Variants in ROR2 observed in about 807,000 individuals in gnomAD.
ROR2 encodes the protein ROR family WNT receptor 2.
In ROR2, 33 loss-of-function variants were observed where a neutral mutation model predicts 74.9. The observed-to-expected ratio is 0.44, with a 90% confidence interval of 0.33 to 0.59. ROR2 has a LOEUF of 0.59. Ranked by LOEUF, ROR2 falls within the 20% of genes least tolerant of loss-of-function variation. The probability of loss-of-function intolerance (pLI) is 0.02; values close to 1 mark genes in which losing one functional copy is unlikely to be tolerated. For synonymous variants in ROR2, 586 were observed against 558.7 expected (o/e 1.05, Z -0.69); for missense variants, 1,216 against 1,313.8 (o/e 0.93, Z 1.15).
chr9:91,731,395 T>C (rs1435446136), intron 6 of ROR2, among the ~76,000 whole-genome samples: 1 of 152,194 alleles, frequency 6.6e-6, no homozygotes, highest in Non-Finnish European at 1.5e-5. Context: ...GAACCATCTC[T>C]TGGGACCCAC....
At chr9:91,860,722 C>G (rs956076300) in intron 1 of ROR2, among the ~76,000 whole-genome samples, 1 of 152,206 alleles carries the variant, frequency 6.6e-6, no homozygotes, top group Non-Finnish European at 1.5e-5. Context: ...GGGAGAGAGA[C>G]ACCTTTTTTG....
At chr9:91,771,210 A>G (rs1330702307) in intron 2 of ROR2, among the ~76,000 whole-genome samples, 1 of 152,194 alleles carries the variant, frequency 6.6e-6, no homozygotes, top group Non-Finnish European at 1.5e-5. Context: ...TCTTCTCTGA[A>G]GTCGAGAGAC....
At chr9:91,857,613 G>A (rs377105196) in intron 1 of ROR2, among the ~76,000 whole-genome samples, 1 of 152,184 alleles carries the variant, frequency 6.6e-6, no homozygotes, top group African/African-American at 2.4e-5. Context: ...GTTACACACC[G>A]GCTGCTAGGC....
chr9:91,741,398 A>T lies in ROR2; in HGVS notation c.495-3880T>A, dbSNP rs552224653. 4.0e-5 allele frequency among the ~76,000 whole-genome samples: 6 copies of T among 151,872 alleles called. No homozygotes were observed. The South Asian group carries it at 1.3e-3, about 32-fold the overall frequency. ...ACAGGAGAGGGGTAGGAGATCAGGG[A>T]GAAACAGAGGCAGGGGCCAGCAGAC... On this transcript the variant is annotated intron_variant, in intron 4 of 8. Transcript: ENST00000375708.
At chr9:91,848,092 A>G (rs1251219105) in intron 1 of ROR2, among the ~76,000 whole-genome samples, 1 of 152,218 alleles carries the variant, frequency 6.6e-6, no homozygotes, top group Non-Finnish European at 1.5e-5. Flanking sequence ...CACCATGGAA[A>G]TGGATGTGAT....
intron 2 of ROR2, 141 bp downstream of exon 2, chr9:91,775,600 G>T: frequency 1.3e-6 from 1 of 749,050 alleles, no homozygotes. Context: ...AATCAAGGTG[G>T]CATTCCACCA....
intron 1 of ROR2, among the ~76,000 whole-genome samples, chr9:91,854,051 G>A (rs560753284): frequency 6.6e-6 from 1 of 152,298 alleles, no homozygotes; most frequent in Non-Finnish European, 1.5e-5. Context: ...GAGGCCCAGA[G>A]GTAGTGCATG....
At chr9:91,862,011 G>T (rs1829482919) in intron 1 of ROR2, among the ~76,000 whole-genome samples, 2 of 152,078 alleles carry the variant, frequency 1.3e-5, no homozygotes, top group Non-Finnish European at 1.5e-5. Flanking sequence ...CCCCCATGAT[G>T]AGATTGGTGC....
At chr9:91,825,015 G>C (rs557021081) in intron 1 of ROR2, among the ~76,000 whole-genome samples, 1 of 152,220 alleles carries the variant, frequency 6.6e-6, no homozygotes, top group Non-Finnish European at 1.5e-5. Flanking sequence ...AGTCAGACAG[G>C]CCACAGGGCT....
At chr9:91,877,469 A>T (rs1400809241) in intron 1 of ROR2, among the ~76,000 whole-genome samples, 1 of 152,238 alleles carries the variant, frequency 6.6e-6, no homozygotes, top group Non-Finnish European at 1.5e-5. Context: ...CCAGAAGAGG[A>T]TGAAGAAGAT....
chr9:91,931,008 A>G (rs768424227), intron 1 of ROR2, among the ~76,000 whole-genome samples: 2 of 152,182 alleles, frequency 1.3e-5, no homozygotes. Flanking sequence ...ATTTGGACAG[A>G]TATTTTACAT....
chr9:91,900,187 G>A (rs535271869), intron 1 of ROR2, among the ~76,000 whole-genome samples: 2 of 152,252 alleles, frequency 1.3e-5, no homozygotes, highest in Admixed American at 1.3e-4. Flanking sequence ...ATAAGCTCAG[G>A]ATGCAGCGGG....
Position 91,723,358 on chromosome 9 carries a change from T to G in ROR2, c.*304A>C. The G allele has an allele frequency of 5.2e-6, 2 of 382,422 alleles. No homozygotes were observed. The highest frequency in any genetic ancestry group is 9.5e-6 in the Non-Finnish European group (2 of 210,716). 23.7% of individuals were successfully genotyped at this position (382,422 alleles called of 1,614,324 possible). The stretch of plus-strand genomic sequence containing the variant: ...CTGCCACCTATTTTCTTGAAAGGCA[T>G]TTGCTGCTCACTACCAGTCTACCAC... On this transcript the variant is annotated 3_prime_UTR_variant, in exon 9 of 9. Coordinates refer to ENST00000375708, the MANE Select transcript of ROR2 (RefSeq NM_004560.4).
Position 91,733,006 on chromosome 9 carries a change from T to A in ROR2, c.937+116A>T. On this transcript the variant is annotated intron_variant, in intron 6 of 8. Transcript: ENST00000375708. This position sits in a 1 kb window ranked among gnomAD's most constrained non-coding sequence, Gnocchi z 5.7. ...TGGGGCCCTCGGCTGCTAAGGGGGT[T>A]CTGTGGGGCCTGGACAGATGGGGCT... 9.4e-7 allele frequency: 1 copy of A among 1,068,784 alleles called. No homozygotes were observed. The highest frequency in any genetic ancestry group is 1.6e-5 in the South Asian group (1 of 63,904). 66.2% of individuals were successfully genotyped at this position (1,068,784 alleles called of 1,614,324 possible).
intron 1 of ROR2, among the ~76,000 whole-genome samples, chr9:91,780,193 C>T (rs956284260): frequency 1.3e-5 from 2 of 152,012 alleles, no homozygotes; most frequent in African/African-American, 4.8e-5. Flanking sequence ...CTGGCTAACA[C>T]AGTGAAACCC....
intron 1 of ROR2, among the ~76,000 whole-genome samples, chr9:91,931,691 C>T (rs1408629989): frequency 2.0e-5 from 3 of 152,044 alleles, no homozygotes; most frequent in African/African-American, 7.2e-5. Context: ...AATAAAACCA[C>T]AAAATAACTC....
chr9:91,817,029 T>TATAG (rs1176333620), intron 1 of ROR2, among the ~76,000 whole-genome samples: 1 of 152,220 alleles, frequency 6.6e-6, no homozygotes, highest in Non-Finnish European at 1.5e-5. Flanking sequence ...GAAGGAGAGA[T>TATAG]ATAGACTGCC....
chr9:91,888,644 C>G (rs921370817), intron 1 of ROR2, among the ~76,000 whole-genome samples: 2 of 152,228 alleles, frequency 1.3e-5, no homozygotes, highest in African/African-American at 4.8e-5. Flanking sequence ...ACTCTGCTCT[C>G]AGAGGGTGAT....
intron 4 of ROR2, 119 bp from the exon 5 acceptor site, chr9:91,737,637 G>A (rs368763661): frequency 7.4e-7 from 1 of 1,358,034 alleles, no homozygotes. Flanking sequence ...ATTTATATAA[G>A]TAAATTTAAA....
Sources: gnomAD v4.1 joint callset for allele counts (sites outside exome capture counted in the v4.1 genomes callset) on GRCh38, gnomAD v4.1.1 for gene constraint, Gnocchi (gnomAD v3.1) non-coding constraint, MANE v1.5 for transcripts, NCBI Gene and HGNC (gene_info 2026-07-23, HGNC 2026-07-21) for gene names.